The following TENM3 variants were observed in gnomAD, a reference collection of about 807,000 sequenced individuals.
The protein encoded by TENM3 is teneurin transmembrane protein 3, also known as teneurin-3.
Under a neutral mutation model 255.1 loss-of-function variants are expected in TENM3, and 63 were observed. The observed-to-expected ratio is 0.25, with a 90% CI of 0.20 to 0.30. The LOEUF is 0.30. TENM3 is among the 10% of genes least tolerant of loss of function. The probability of loss-of-function intolerance (pLI) is 1.00; values close to 1 mark genes in which losing one functional copy is unlikely to be tolerated. For synonymous variants in TENM3, 1,306 were observed against 1,322.3 expected (o/e 0.99, Z 0.27); for missense variants, 2,929 against 3,461.1 (o/e 0.85, Z 3.86).
the TENM3 span, among the ~76,000 whole-genome samples, chr4:181,868,780 T>A: frequency 1.3e-5 from 2 of 152,176 alleles, no homozygotes; most frequent in African/African-American, 4.8e-5. Context: ...ACATGTTTCT[T>A]AAAGACTTTA....
the TENM3 span, among the ~76,000 whole-genome samples, chr4:182,077,274 A>T: frequency 6.6e-6 from 1 of 152,186 alleles, no homozygotes; most frequent in Non-Finnish European, 1.5e-5. Flanking sequence ...CTTCAAATAA[A>T]TTATAAGCTT....
At chr4:181,886,886 C>T in the TENM3 span, among the ~76,000 whole-genome samples, 2 of 152,104 alleles carry the variant, frequency 1.3e-5, no homozygotes, top group African/African-American at 4.8e-5. Context: ...GAATATCTGA[C>T]ATTATTCCTA....
the TENM3 span, among the ~76,000 whole-genome samples, chr4:182,008,478 G>A: frequency 6.6e-6 from 1 of 151,654 alleles, no homozygotes; most frequent in African/African-American, 2.4e-5. Context: ...CTTATTTCAG[G>A]AAGCTGGTCT....
intron 2 of TENM3, among the ~76,000 whole-genome samples, chr4:182,335,758 G>A (rs189688792): frequency 6.6e-6 from 1 of 152,084 alleles, no homozygotes; most frequent in Non-Finnish European, 1.5e-5. Flanking sequence ...TCACTACATT[G>A]GGAAATATGT....
chr4:182,108,342 T>A, the TENM3 span, among the ~76,000 whole-genome samples: 13 of 152,184 alleles, frequency 8.5e-5, no homozygotes, highest in African/African-American at 3.1e-4. Context: ...ACAGGAAGGC[T>A]CCAATAAAAG....
chr4:182,679,663 C>A lies in TENM3; in HGVS notation c.1327-3C>A, dbSNP rs370394608. ...TGACTATTTTTCCTCGTCCTCCCCC[C>A]AGTATGACTTCGTGGAGCTCCTGGA... On this transcript the variant is annotated splice_polypyrimidine_tract_variant and splice_region_variant and intron_variant, in intron 7 of 27. Transcript: ENST00000511685. 1.9e-6 allele frequency: 3 copies of A among 1,610,938 alleles called. No homozygotes were observed. The highest frequency in any genetic ancestry group is 2.5e-6 in the Non-Finnish European group (3 of 1,178,640).
chr4:181,569,017 G>A, the TENM3 span, among the ~76,000 whole-genome samples: 1 of 152,186 alleles, frequency 6.6e-6, no homozygotes, highest in Non-Finnish European at 1.5e-5. Flanking sequence ...ATTGAATGCA[G>A]AGTAATAGCA....
chr4:181,448,095 A>G, the TENM3 span, among the ~76,000 whole-genome samples: 2 of 151,050 alleles, frequency 1.3e-5, no homozygotes, highest in Non-Finnish European at 2.9e-5. Context: ...TTCTTTTAAC[A>G]TCAGTTAAAA....
intron 3 of TENM3, among the ~76,000 whole-genome samples, chr4:182,572,401 A>T (rs1018660326): frequency 6.6e-6 from 1 of 152,204 alleles, no homozygotes; most frequent in Non-Finnish European, 1.5e-5. Context: ...GAACATACTT[A>T]AATGCCAGCC....
the TENM3 span, among the ~76,000 whole-genome samples, chr4:181,466,574 G>T: frequency 6.6e-6 from 1 of 152,124 alleles, no homozygotes; most frequent in Admixed American, 6.5e-5. Context: ...CTGGAAGGTA[G>T]AAAGAAGAAC....
intron 1 of TENM3, among the ~76,000 whole-genome samples, chr4:182,285,500 CT>C (rs1760676618): frequency 6.6e-6 from 1 of 152,124 alleles, no homozygotes; most frequent in Non-Finnish European, 1.5e-5. Flanking sequence ...CTCTTAAGTT[CT>C]CAGCTATCTG....
chr4:181,656,691 C>T, the TENM3 span, among the ~76,000 whole-genome samples: 1 of 151,890 alleles, frequency 6.6e-6, no homozygotes, highest in Non-Finnish European at 1.5e-5. Context: ...CATCTGAGGA[C>T]AATGTAAAAA....
chr4:182,213,853 G>A (rs539308476), intron 1 of TENM3, among the ~76,000 whole-genome samples: 1 of 152,192 alleles, frequency 6.6e-6, no homozygotes, highest in Non-Finnish European at 1.5e-5. Context: ...CCAGGCTGGA[G>A]TGCAGTGGCG....
chr4:182,068,206 G>C, the TENM3 span, among the ~76,000 whole-genome samples: 2 of 152,002 alleles, frequency 1.3e-5, no homozygotes, highest in African/African-American at 2.4e-5. Flanking sequence ...ATAGAATAAG[G>C]CACCTTTTTA....
intron 13 of TENM3, among the ~76,000 whole-genome samples, chr4:182,717,005 A>G (rs1397818218): frequency 6.6e-6 from 1 of 152,224 alleles, no homozygotes; most frequent in Non-Finnish European, 1.5e-5. Context: ...AATTTTGTAG[A>G]ACACAGTGTT....
intron 1 of TENM3, among the ~76,000 whole-genome samples, chr4:182,188,497 T>C (rs1045893549): frequency 6.6e-6 from 1 of 152,190 alleles, no homozygotes; most frequent in Non-Finnish European, 1.5e-5. Flanking sequence ...ATCTCACACA[T>C]TGCAAAGACT....
chr4:181,588,481 A>T, the TENM3 span, among the ~76,000 whole-genome samples: 1 of 152,160 alleles, frequency 6.6e-6, no homozygotes, highest in South Asian at 2.1e-4. Flanking sequence ...TATCACCCCG[A>T]ATCTAATGTC....
the TENM3 span, among the ~76,000 whole-genome samples, chr4:181,689,911 T>C: frequency 6.6e-6 from 1 of 152,088 alleles, no homozygotes; most frequent in African/African-American, 2.4e-5. Flanking sequence ...TTTAAGTATA[T>C]ACACGTAAAA....
At chr4:182,366,972 A>C (rs576256534) in intron 3 of TENM3, among the ~76,000 whole-genome samples, 1 of 152,152 alleles carries the variant, frequency 6.6e-6, no homozygotes, top group African/African-American at 2.4e-5. Flanking sequence ...CGTTTTAAGG[A>C]ATAAAAGACA....
Sources: allele counts gnomAD v4.1 joint callset (sites outside exome capture counted in the v4.1 genomes callset), GRCh38; gene constraint gnomAD v4.1.1; transcripts MANE v1.5; gene names NCBI Gene and HGNC (gene_info 2026-07-23, HGNC 2026-07-21).